Variants in GPC5 observed in about 807,000 individuals in gnomAD.
The protein encoded by GPC5 is glypican-5.
A neutral mutation model predicts 53.9 loss-of-function variants in GPC5; 47 were observed. That is an observed-to-expected ratio of 0.87 (90% CI 0.69 to 1.11). GPC5 has a LOEUF of 1.11. Among genes scored for constraint, GPC5 ranks in the 50% most tolerant of loss-of-function variants. GPC5 has a pLI of 0.00. For missense variants in GPC5, 748 were observed against 713.1 expected (o/e 1.05, Z -0.56); for synonymous variants, 286 against 263.3 (o/e 1.09, Z -0.84).
intron 7 of GPC5, among the ~76,000 whole-genome samples, chr13:92,284,244 T>C (rs1301197164): frequency 6.6e-6 from 1 of 151,902 alleles, no homozygotes; most frequent in African/African-American, 2.4e-5. Flanking sequence ...GAGTCAATAA[T>C]TAATAGCCTA....
At chr13:92,030,336 T>C (rs902085277) in intron 6 of GPC5, among the ~76,000 whole-genome samples, 10 of 152,184 alleles carry the variant, frequency 6.6e-5, no homozygotes, top group African/African-American at 2.4e-4. Flanking sequence ...TGTTAAGTTC[T>C]GTTATGTTCT....
At chr13:91,838,708 C>G (rs1042955099) in intron 5 of GPC5, among the ~76,000 whole-genome samples, 1 of 151,962 alleles carries the variant, frequency 6.6e-6, no homozygotes, top group Non-Finnish European at 1.5e-5. Context: ...TTATATTTTC[C>G]CTGAGTTAGG....
intron 7 of GPC5, among the ~76,000 whole-genome samples, chr13:92,188,118 G>A (rs1190322014): frequency 2.0e-5 from 3 of 151,870 alleles, no homozygotes; most frequent in Admixed American, 6.6e-5. Context: ...ATTACTGCAG[G>A]AATCTCTCCT....
intron 5 of GPC5, among the ~76,000 whole-genome samples, chr13:91,775,297 A>G (rs752933720): frequency 1.3e-5 from 2 of 151,990 alleles, no homozygotes; most frequent in African/African-American, 2.4e-5. Context: ...TTGCAGTTGT[A>G]TTACTCCTCT....
chr13:91,564,322 A>G (rs2031427774), intron 2 of GPC5, among the ~76,000 whole-genome samples: 1 of 152,202 alleles, frequency 6.6e-6, no homozygotes. Flanking sequence ...CTGGTATGTC[A>G]TAAAGAGGTA....
At chr13:91,594,856 T>G (rs904685171) in intron 2 of GPC5, among the ~76,000 whole-genome samples, 33 of 152,028 alleles carry the variant, frequency 2.2e-4, no homozygotes, top group African/African-American at 6.3e-4. Flanking sequence ...TATTTTTTTG[T>G]AGAGATGGGG....
At chr13:92,804,300 C>G (rs1452939040) in intron 7 of GPC5, among the ~76,000 whole-genome samples, 1 of 151,926 alleles carries the variant, frequency 6.6e-6, no homozygotes, top group Non-Finnish European at 1.5e-5. Flanking sequence ...TGGGAAAGAA[C>G]TCTTTCATTT....
At chr13:92,329,375 A>G (rs1413717852) in intron 7 of GPC5, among the ~76,000 whole-genome samples, 2 of 152,106 alleles carry the variant, frequency 1.3e-5, no homozygotes, top group Non-Finnish European at 1.5e-5. Flanking sequence ...CCAGACGTAC[A>G]AACAACCAGA....
chr13:92,413,823 G>C (rs528414260), intron 7 of GPC5, among the ~76,000 whole-genome samples: 1 of 152,286 alleles, frequency 6.6e-6, no homozygotes, highest in Admixed American at 6.5e-5. Context: ...GGGCTGAGAT[G>C]AGGCTATTTG....
chr13:92,452,430 G>A (rs1182316888), intron 7 of GPC5, among the ~76,000 whole-genome samples: 2 of 152,004 alleles, frequency 1.3e-5, no homozygotes, highest in Non-Finnish European at 2.9e-5. Flanking sequence ...ATTAATAAAG[G>A]CTTATCGGAA....
At chr13:92,179,871 C>T (rs1192329928) in intron 7 of GPC5, among the ~76,000 whole-genome samples, 1 of 152,052 alleles carries the variant, frequency 6.6e-6, no homozygotes, top group African/African-American at 2.4e-5. Context: ...ATAATGAAAA[C>T]GTATAGGTGA....
At chr13:92,678,845 T>C (rs1323723709) in intron 7 of GPC5, among the ~76,000 whole-genome samples, 1 of 152,122 alleles carries the variant, frequency 6.6e-6, no homozygotes, top group East Asian at 1.9e-4. Flanking sequence ...ATAGGATGAT[T>C]TGAGCTAGAG....
At chr13:91,595,497 T>C (rs999477145) in intron 2 of GPC5, among the ~76,000 whole-genome samples, 2 of 152,182 alleles carry the variant, frequency 1.3e-5, no homozygotes, top group African/African-American at 4.8e-5. Flanking sequence ...TTCAGACATA[T>C]GTTTTAAATT....
chr13:91,505,529 C>T (rs1352891623), intron 2 of GPC5, among the ~76,000 whole-genome samples: 1 of 152,134 alleles, frequency 6.6e-6, no homozygotes, highest in East Asian at 1.9e-4. Flanking sequence ...AATACTGGTC[C>T]TAGGCTATGT....
At chr13:91,838,559 A>C (rs2038748864) in intron 5 of GPC5, among the ~76,000 whole-genome samples, 1 of 152,014 alleles carries the variant, frequency 6.6e-6, no homozygotes. Context: ...ATGAGAGAAG[A>C]ACCCAGGGTG....
intron 6 of GPC5, among the ~76,000 whole-genome samples, chr13:92,090,846 A>T (rs1290834187): frequency 6.6e-6 from 1 of 152,232 alleles, no homozygotes; most frequent in Non-Finnish European, 1.5e-5. Context: ...TTATTTTATC[A>T]GTTCAAAATA....
At chr13:91,499,233 G>T (rs1170211177) in intron 2 of GPC5, among the ~76,000 whole-genome samples, 1 of 152,072 alleles carries the variant, frequency 6.6e-6, no homozygotes, top group East Asian at 1.9e-4. Flanking sequence ...AGGGTGTTGG[G>T]TATAAGGAGT....
intron 7 of GPC5, among the ~76,000 whole-genome samples, chr13:92,607,913 C>T (rs1326208891): frequency 1.3e-5 from 2 of 152,150 alleles, no homozygotes; most frequent in Admixed American, 6.5e-5. Flanking sequence ...AGACCAACAC[C>T]TCCTCTTTCT....
intron 2 of GPC5, among the ~76,000 whole-genome samples, chr13:91,669,955 C>A (rs939948850): frequency 6.6e-6 from 1 of 152,176 alleles, no homozygotes; most frequent in African/African-American, 2.4e-5. Context: ...CTAAGCCTGG[C>A]TTGCTAAGAT....
Sources: gnomAD v4.1 joint callset for allele counts (sites outside exome capture counted in the v4.1 genomes callset) on GRCh38, gnomAD v4.1.1 for gene constraint, MANE v1.5 for transcripts, NCBI Gene and HGNC (gene_info 2026-07-23, HGNC 2026-07-21) for gene names.